MUC7: variants seen among roughly 807,000 people sequenced by gnomAD.
MUC7 encodes the protein mucin-7.
A neutral mutation model predicts 2.5 loss-of-function variants in MUC7; 2 were observed. The ratio of observed to expected loss-of-function variants is 0.81; its 90% CI spans 0.33 to 2.55. The LOEUF is 2.55. Ranked by LOEUF, MUC7 falls within the 30% of genes most tolerant of loss-of-function variation. MUC7 has a pLI of 0.11. For missense variants in MUC7, 408 were observed against 455.6 expected (o/e 0.90, Z 0.95); for synonymous variants, 133 against 173.4 (o/e 0.77, Z 1.83).
intron 1 of MUC7, among the ~76,000 whole-genome samples, chr4:70,463,199 C>A (rs66505517): frequency 0.02 from 3,032 of 151,436 alleles, 69 homozygotes; most frequent in African/African-American, 0.056. Context: ...CTTCAAACCA[C>A]AAAAAAAAAT....
intron 2 of MUC7, among the ~76,000 whole-genome samples, chr4:70,476,801 G>T (rs1439235689): frequency 1.3e-5 from 2 of 151,998 alleles, no homozygotes; most frequent in Non-Finnish European, 2.9e-5. Context: ...AAAATAAAAA[G>T]AAAAGAAAAT....
chr4:70,465,859 C>T (rs185202391), intron 1 of MUC7, among the ~76,000 whole-genome samples: 160 of 152,244 alleles, frequency 1.1e-3, no homozygotes, highest in African/African-American at 3.5e-3. Context: ...CCCAACCCAG[C>T]AAAACAGACC....
chr4:70,470,123 T>C (rs919561669), upstream of MUC7, among the ~76,000 whole-genome samples: 69 of 152,298 alleles, frequency 4.5e-4, no homozygotes, highest in South Asian at 3.3e-3. Context: ...TGGATGAAGC[T>C]GGAAACCATC....
Position 70,481,752 on chromosome 4 carries a change from G to T in MUC7, c.1008G>T (p.Ser336=). The change falls in exon 3 of 3, where the codon TCG becomes TCT. Residue 336 remains serine (S), a synonymous_variant. Transcript: ENST00000304887. ...CACCCACACACCAGACTACTACTTC[G>T]GTCACTACTCAAACTACTACTACTA... ...SAAPTHQTTT[S]VTTQTTTTKQ... is the part of the protein sequence containing the mutation. 1 of 1,614,076 alleles carries T rather than the reference G, an allele frequency of 6.2e-7. No individual in the cohort carries two copies. The highest frequency in any genetic ancestry group is 2.2e-5 in the East Asian group (1 of 44,866).
At chr4:70,458,186 A>T (rs965589962) in intron 1 of MUC7, among the ~76,000 whole-genome samples, 11 of 152,154 alleles carry the variant, frequency 7.2e-5, no homozygotes, top group Non-Finnish European at 1.6e-4. Context: ...GAAAACCTTA[A>T]ATGCATGTCC....
intron 1 of MUC7, among the ~76,000 whole-genome samples, chr4:70,456,669 C>T (rs1734423388): frequency 6.6e-6 from 1 of 152,178 alleles, no homozygotes; most frequent in African/African-American, 2.4e-5. Flanking sequence ...ACACCTTCCA[C>T]AAGCTACCTC....
intron 1 of MUC7, among the ~76,000 whole-genome samples, chr4:70,467,086 G>T (rs187964063): frequency 1.3e-5 from 2 of 152,242 alleles, no homozygotes; most frequent in East Asian, 1.9e-4. Flanking sequence ...AATCAAATTA[G>T]AACTCAGGAT....
At chr4:70,437,098 G>C (rs768474457) in intron 1 of MUC7, among the ~76,000 whole-genome samples, 22 of 152,092 alleles carry the variant, frequency 1.4e-4, no homozygotes, top group Non-Finnish European at 2.6e-4. Context: ...GTACCCACCT[G>C]TATGAGGTGT....
At chr4:70,479,436 T>C (rs1404592164) in intron 2 of MUC7, among the ~76,000 whole-genome samples, 2 of 152,182 alleles carry the variant, frequency 1.3e-5, no homozygotes. Flanking sequence ...GCACTAAACT[T>C]TGTGTCCAAA....
chr4:70,469,179 G>C (rs34580337), upstream of MUC7, among the ~76,000 whole-genome samples: 1,439 of 152,132 alleles, frequency 9.5e-3, 9 homozygotes, highest in Non-Finnish European at 0.014. Flanking sequence ...TGTAATAAAC[G>C]GTGTTGGGAA....
chr4:70,432,209 C>A (rs142641018), intron 1 of MUC7, among the ~76,000 whole-genome samples: 1 of 152,312 alleles, frequency 6.6e-6, no homozygotes, highest in South Asian at 2.1e-4. Flanking sequence ...AATAAGCATA[C>A]CTGTGCATGT....
chr4:70,464,100 T>G (rs1577909444), intron 1 of MUC7, among the ~76,000 whole-genome samples: 2 of 152,060 alleles, frequency 1.3e-5, no homozygotes, highest in South Asian at 4.2e-4. Flanking sequence ...CCACAGTGGG[T>G]GAGCCAAAGC....
intron 1 of MUC7, 42 bp downstream of exon 1, chr4:70,472,333 G>T (rs1047076882): frequency 6.6e-5 from 10 of 152,082 alleles, no homozygotes; most frequent in Admixed American, 1.3e-4. Flanking sequence ...AAACTAAACA[G>T]CTTTCAAGTA....
upstream of MUC7, chr4:70,471,986 G>T (rs1734845405): frequency 6.6e-6 from 1 of 152,152 alleles, no homozygotes; most frequent in Non-Finnish European, 1.5e-5. Flanking sequence ...AAGCACATAA[G>T]TTACTCATTG....
chr4:70,470,406 T>A (rs1218350694), upstream of MUC7, among the ~76,000 whole-genome samples: 4 of 152,254 alleles, frequency 2.6e-5, no homozygotes, highest in South Asian at 6.2e-4. Flanking sequence ...ATATAATTTT[T>A]AAAAAATTAA....
intron 1 of MUC7, among the ~76,000 whole-genome samples, chr4:70,458,360 G>A (rs1054291761): frequency 6.6e-6 from 1 of 152,080 alleles, no homozygotes; most frequent in African/African-American, 2.4e-5. Context: ...TAGTGCACAG[G>A]TGATACAAGG....
At chr4:70,458,594 A>G (rs566831485) in intron 1 of MUC7, among the ~76,000 whole-genome samples, 1 of 152,134 alleles carries the variant, frequency 6.6e-6, no homozygotes, top group African/African-American at 2.4e-5. Context: ...CACAAGGAAA[A>G]AAAGTAACAA....
chr4:70,452,425 G>A (rs115360693), intron 1 of MUC7, among the ~76,000 whole-genome samples: 271 of 151,790 alleles, frequency 1.8e-3, no homozygotes, highest in African/African-American at 6.4e-3. Flanking sequence ...TCCATTATAT[G>A]TTTTTAGATT....
At chr4:70,461,906 T>C (rs1445508591) in intron 1 of MUC7, among the ~76,000 whole-genome samples, 1 of 151,454 alleles carries the variant, frequency 6.6e-6, no homozygotes, top group Non-Finnish European at 1.5e-5. Context: ...GAAATAGGCA[T>C]GAAAAAGAAA....
Sources: allele counts gnomAD v4.1 joint callset (sites outside exome capture counted in the v4.1 genomes callset), GRCh38; gene constraint gnomAD v4.1.1; transcripts MANE v1.5; gene names NCBI Gene and HGNC (gene_info 2026-07-23, HGNC 2026-07-21).